Variants in HOOK3 observed in about 807,000 individuals in gnomAD.
HOOK3 encodes protein Hook homolog 3.
Under a neutral mutation model 116.3 loss-of-function variants are expected in HOOK3, and 24 were observed. That is an observed-to-expected ratio of 0.21 (90% CI 0.15 to 0.29). The LOEUF (loss-of-function observed/expected upper bound fraction) is 0.29. Ranked by LOEUF, HOOK3 falls within the 10% of genes least tolerant of loss-of-function variation. HOOK3 has a pLI of 1.00. For synonymous variants in HOOK3, 275 were observed against 283.0 expected, an observed-to-expected ratio of 0.97 and a Z score of 0.28; for missense variants, 632 against 830.2, an observed-to-expected ratio of 0.76 and a Z score of 2.93.
rs1259018789 is a variant in HOOK3 at position 43,010,362 on chromosome 8, A to T, written c.1796A>T (p.Gln599Leu). The stretch of plus-strand genomic sequence containing the variant: ...CGAAAGAAAGAGGAAGAAATGAAGC[A>T]AATGGAAGAACGATACAAAAAATAC... ...ALRKKEEEMK[Q>L]MEERYKKYLE... Residue 599 changes from glutamine (Q) to leucine (L), a missense_variant, in exon 19 of 22, where the codon CAA becomes CTA. Around this residue, in one of 3 missense-constraint regions of HOOK3, gnomAD observed 483 missense variants for 648.1 expected, o/e 0.75. Coordinates refer to ENST00000307602, the MANE Select transcript of HOOK3 (RefSeq NM_032410.4). 2.0e-6 allele frequency: 3 copies of T among 1,492,710 alleles called. No homozygotes were observed. In the South Asian group the frequency reaches 4.2e-5, roughly 21 times the overall value. The allele number at this position is 1,492,710 out of a possible 1,614,324, so 92.5% of individuals were successfully genotyped here.
intron 21 of HOOK3, among the ~76,000 whole-genome samples, chr8:43,016,453 G>A (rs1809718738): frequency 6.6e-6 from 1 of 152,126 alleles, no homozygotes; most frequent in Non-Finnish European, 1.5e-5. Flanking sequence ...TTCAGAGAGT[G>A]AAGGAATAAC....
rs139960012 is a variant in HOOK3 at position 42,940,496 on chromosome 8, GGGGACAGGGACA to G, written c.268-2800_268-2789del. The stretch of plus-strand genomic sequence containing the variant: ...GGAAAGAGAGGGAGAGGGAGACCGT[GGGGACAGGGACA>G]GGGACAGGGACAGGGAGAGGGAGAG... On this transcript the variant is annotated intron_variant, in intron 4 of 21. Transcript: ENST00000307602. Among the ~76,000 whole-genome samples the G allele has an allele frequency of 5.9e-5, 9 of 152,042 alleles. No individual in the cohort carries two copies. In the East Asian group the frequency reaches 7.7e-4, roughly 13 times the overall value.
rs1808448182 is a variant in HOOK3, at chr8:42,956,957, A to G, written c.469-137A>G. ...GTTCCGGACTCAGAAGCTTTAATGC[A>G]AAGTGTTTTACATGCATGTTTTCAT... On this transcript the variant is annotated intron_variant, in intron 6 of 21. Transcript: ENST00000307602. 6.7e-6 allele frequency: 3 copies of G among 447,604 alleles called. No homozygotes were observed. In the South Asian group the frequency reaches 1.5e-4, roughly 22 times the overall value. The allele number at this position is 447,604 out of a possible 1,614,324, so 27.7% of individuals were successfully genotyped here. A position where few individuals can be genotyped will look rare whatever the true frequency, so the allele number is the denominator to read the frequency against.
At chr8:42,971,190 G>A (rs1808720662) in intron 11 of HOOK3, among the ~76,000 whole-genome samples, 1 of 152,018 alleles carries the variant, frequency 6.6e-6, no homozygotes, top group Non-Finnish European at 1.5e-5. Flanking sequence ...AGCATTCCTT[G>A]TTGATTACAT....
At chr8:42,901,496 A>G (rs1807187983) in intron 1 of HOOK3, among the ~76,000 whole-genome samples, 1 of 152,166 alleles carries the variant, frequency 6.6e-6, no homozygotes, top group Admixed American at 6.5e-5. Flanking sequence ...ATGACTATCT[A>G]GTTCCAAGAA....
Position 42,906,188 on chromosome 8 carries a change from G to A in HOOK3, c.73G>A (p.Val25Met), listed in dbSNP as rs369597018. 2.7e-5 allele frequency: 37 copies of A among 1,395,868 alleles called. No individual in the cohort carries two copies. The highest frequency in any genetic ancestry group is 3.4e-5 in the Non-Finnish European group (35 of 1,014,514). The allele number at this position is 1,395,868 out of a possible 1,614,324, so 86.5% of individuals were successfully genotyped here. A position where few individuals can be genotyped will look rare whatever the true frequency, so the allele number is the denominator to read the frequency against. Residue 25 changes from valine to methionine, a missense_variant, in exon 2 of 22, where the codon GTG becomes ATG. Val to Met is a conservative substitution (Grantham distance 21). Around this residue, in one of 3 missense-constraint regions of HOOK3, gnomAD observed 141 missense variants for 150.8 expected, o/e 0.93. Coordinates refer to ENST00000307602, the MANE Select transcript of HOOK3 (RefSeq NM_032410.4). The stretch of plus-strand genomic sequence containing the variant: ...TTCCCTTCAGATCCAGACATTTAAT[G>A]TGGATGCACCATGCCAGACCGTGGA... ...SLLTWIQTFN[V>M]DAPCQTVEDL...
At chr8:42,950,364 A>G (rs1027061859) in intron 5 of HOOK3, 24 bp from the exon 6 acceptor site, 1 of 1,501,666 alleles carries the variant, frequency 6.7e-7, no homozygotes, top group Admixed American at 1.7e-5. Flanking sequence ...GAACAGTGAC[A>G]TTCTAGATTG....
intron 16 of HOOK3, 21 bp downstream of exon 16, chr8:42,997,658 A>G (rs1272017907): frequency 7.4e-6 from 9 of 1,216,198 alleles, no homozygotes; most frequent in Admixed American, 6.7e-5. Context: ...ATATGTACCA[A>G]CGATGGTCCA....
chr8:43,002,224 G>A (rs565777013), intron 17 of HOOK3, 83 bp downstream of exon 17: 118 of 966,662 alleles, frequency 1.2e-4, no homozygotes, highest in Middle Eastern at 2.1e-4. Context: ...GTGTCTGGGC[G>A]TTGGCACAGG....
chr8:43,003,765 A>C (rs2130475808), intron 17 of HOOK3, among the ~76,000 whole-genome samples: 1 of 152,302 alleles, frequency 6.6e-6, no homozygotes, highest in South Asian at 2.1e-4. Flanking sequence ...AACCGCCAGC[A>C]GTCCTGATGT....
Position 43,018,680 on chromosome 8 carries a change from AT to A in HOOK3, c.*186del. 1 of 562,436 alleles carries A rather than the reference AT, an allele frequency of 1.8e-6. No individual in the cohort carries two copies. Among genetic ancestry groups the A allele is most frequent in the Non-Finnish European group, 2.8e-6 (1 of 354,908 alleles). 34.8% of individuals were successfully genotyped at this position (562,436 alleles called of 1,614,324 possible). A position where few individuals can be genotyped will look rare whatever the true frequency, so the allele number is the denominator to read the frequency against. ...CTTTGTTTTAGTTTCTTTGGTTTTT[AT>A]TTTGTAGTCCTTTCAGTTATTTTTA... On this transcript the variant is annotated 3_prime_UTR_variant, in exon 22 of 22. Transcript: ENST00000307602.
intron 16 of HOOK3, chr8:43,000,242 T>C: frequency 7.8e-7 from 1 of 1,278,138 alleles, no homozygotes; most frequent in South Asian, 1.2e-5. Context: ...ATTTGTCCTC[T>C]CTGTCTCTTG....
Position 43,028,144 on chromosome 8 carries a change from A to G in HOOK3, c.*9646A>G, listed in dbSNP as rs964076215. 4.3e-5 allele frequency: 8 copies of G among 185,362 alleles called. No individual in the cohort carries two copies. Among genetic ancestry groups the G allele is most frequent in the Non-Finnish European group, 6.8e-5 (6 of 87,668 alleles). 11.5% of individuals were successfully genotyped at this position (185,362 alleles called of 1,614,324 possible). A position where few individuals can be genotyped will look rare whatever the true frequency, so the allele number is the denominator to read the frequency against. The stretch of plus-strand genomic sequence containing the variant: ...TTCAAGTGATAAAATCATTTTATAA[A>G]TCATTTCTTAATATCTTCAGTGTTT... On this transcript the variant is annotated 3_prime_UTR_variant, in exon 22 of 22. Transcript: ENST00000307602.
chr8:43,007,431 C>T (rs777781147), intron 17 of HOOK3, among the ~76,000 whole-genome samples: 8 of 152,200 alleles, frequency 5.3e-5, no homozygotes, highest in Non-Finnish European at 1.0e-4. Context: ...TTCCTTTGTT[C>T]GACATTCTGT....
At chr8:42,916,749 T>G (rs534335450) in intron 2 of HOOK3, among the ~76,000 whole-genome samples, 13 of 152,200 alleles carry the variant, frequency 8.5e-5, no homozygotes, top group Non-Finnish European at 1.9e-4. Flanking sequence ...TTCTAACAAC[T>G]TTGTATCAAC....
At chr8:43,017,224 A>G (rs530735386) in intron 21 of HOOK3, among the ~76,000 whole-genome samples, 1 of 152,178 alleles carries the variant, frequency 6.6e-6, no homozygotes, top group Admixed American at 6.5e-5. Flanking sequence ...GCATTCAGTC[A>G]TTGGTGAGAT....
chr8:43,022,826 T>C lies in HOOK3; in HGVS notation c.*4328T>C, dbSNP rs1809853895. Reference sequence around the variant, plus strand: ...TATTAGACTATAATAAGGATGAAATTGCTGTCTGTAATTTTGTTGAGGTTT... The same window carrying C: ...TATTAGACTATAATAAGGATGAAATCGCTGTCTGTAATTTTGTTGAGGTTT... On this transcript the variant is annotated 3_prime_UTR_variant, in exon 22 of 22. Transcript: ENST00000307602. The C allele has an allele frequency of 1.1e-5, 2 of 175,298 alleles. No homozygotes were observed. The highest frequency in any genetic ancestry group is 2.5e-5 in the Non-Finnish European group (2 of 81,202). The allele number at this position is 175,298 out of a possible 1,614,324, so 10.9% of individuals were successfully genotyped here.
At chr8:42,990,769 C>T (rs532377741) in intron 15 of HOOK3, among the ~76,000 whole-genome samples, 2 of 152,086 alleles carry the variant, frequency 1.3e-5, no homozygotes, top group African/African-American at 2.4e-5. Context: ...CCCATTCTGT[C>T]GGTTGTCTCT....
chr8:42,999,419 T>A (rs1809338430), intron 16 of HOOK3, among the ~76,000 whole-genome samples: 1 of 152,256 alleles, frequency 6.6e-6, no homozygotes, highest in South Asian at 2.1e-4. Context: ...TTCAGATAGC[T>A]GAAACTGTGC....
Sources: gnomAD v4.1 joint callset for allele counts (sites outside exome capture counted in the v4.1 genomes callset) on GRCh38, gnomAD v4.1.1 for gene constraint, gnomAD v4.1.1 regional missense constraint, MANE v1.5 for transcripts, NCBI Gene and HGNC (gene_info 2026-07-23, HGNC 2026-07-21) for gene names.